Variants in SUPT3H observed in about 807,000 individuals in gnomAD.
SUPT3H encodes transcription initiation protein SPT3 homolog.
In SUPT3H, 44 loss-of-function variants were observed where a neutral mutation model predicts 44.3. The observed-to-expected ratio is 0.99, with a 90% CI of 0.78 to 1.28. SUPT3H has a LOEUF of 1.28. SUPT3H is among the 50% of genes most tolerant of loss of function. The pLI, the probability that SUPT3H is intolerant of heterozygous loss-of-function variation, is 0.00. For synonymous variants in SUPT3H, 124 were observed against 125.6 expected (o/e 0.99, Z 0.09); for missense variants, 380 against 387.1 (o/e 0.98, Z 0.15).
chr6:45,002,305 G>C (rs140091401), intron 6 of SUPT3H, among the ~76,000 whole-genome samples: 1 of 152,058 alleles, frequency 6.6e-6, no homozygotes, highest in African/African-American at 2.4e-5. Context: ...GCTACAAAAT[G>C]TTCCATTTCT....
At chr6:45,121,469 T>C (rs1801646014) in intron 2 of SUPT3H, among the ~76,000 whole-genome samples, 1 of 151,846 alleles carries the variant, frequency 6.6e-6, no homozygotes, top group Middle Eastern at 3.2e-3. Context: ...GTTGCAGGAG[T>C]TTCCCTTTCC....
At position 45,293,550 on chromosome 6, in the gene SUPT3H, A is replaced by C. The variant is rs549025683; in HGVS notation, c.101+71651T>G. Among the ~76,000 whole-genome samples, 6 of 152,258 alleles carry C rather than the reference A, an allele frequency of 3.9e-5. No individual in the cohort carries two copies. In the East Asian group the frequency reaches 1.2e-3, roughly 29 times the overall value. The stretch of plus-strand genomic sequence containing the variant: ...AAATACAAAAGATAAATGAAACAAA[A>C]AGCTGGTTCTTTCAAATGATAAACC... On this transcript the variant is annotated intron_variant, in intron 2 of 10. Transcript: ENST00000371459.
At chr6:45,260,239 C>A (rs537997590) in intron 2 of SUPT3H, among the ~76,000 whole-genome samples, 2 of 152,134 alleles carry the variant, frequency 1.3e-5, no homozygotes, top group South Asian at 2.1e-4. Context: ...ACGCAGGGAA[C>A]TGCAGGAAAG....
chr6:45,099,927 T>G (rs1229641446), intron 3 of SUPT3H, among the ~76,000 whole-genome samples: 2 of 152,098 alleles, frequency 1.3e-5, no homozygotes, highest in African/African-American at 4.8e-5. Context: ...GGCTAAAGGC[T>G]TAGCCAGATA....
At chr6:44,987,161 C>T (rs968564464) in intron 6 of SUPT3H, among the ~76,000 whole-genome samples, 1 of 151,956 alleles carries the variant, frequency 6.6e-6, no homozygotes, top group Non-Finnish European at 1.5e-5. Flanking sequence ...CCTGTTCTTA[C>T]AAAACACTAA....
intron 10 of SUPT3H, among the ~76,000 whole-genome samples, chr6:44,831,359 A>G (rs1283599209): frequency 6.6e-6 from 1 of 152,178 alleles, no homozygotes; most frequent in Non-Finnish European, 1.5e-5. Flanking sequence ...AACAAGGACT[A>G]GAAAATTCCA....
At chr6:45,169,857 G>GT (rs1463968684) in intron 2 of SUPT3H, among the ~76,000 whole-genome samples, 1 of 152,166 alleles carries the variant, frequency 6.6e-6, no homozygotes, top group Non-Finnish European at 1.5e-5. Context: ...CAGTTAAGAG[G>GT]ATAAACTGCT....
Position 44,972,553 on chromosome 6 carries a change from T to C in SUPT3H, c.505-10725A>G, listed in dbSNP as rs373790060. On this transcript the variant is annotated intron_variant, in intron 6 of 10. Coordinates refer to ENST00000371459, the MANE Select transcript of SUPT3H (RefSeq NM_003599.4). Reference sequence around the variant, plus strand: ...CTGCGATCTGGAGAATGGTGGCCCTTTTACAGCTCTACTAGGCAGTGCCCC... The same window carrying C: ...CTGCGATCTGGAGAATGGTGGCCCTCTTACAGCTCTACTAGGCAGTGCCCC... 2.0e-5 allele frequency among the ~76,000 whole-genome samples: 3 copies of C among 152,232 alleles called. No homozygotes were observed. The East Asian group carries it at 5.8e-4, about 29-fold the overall frequency.
intron 2 of SUPT3H, among the ~76,000 whole-genome samples, chr6:45,146,081 A>T (rs992288320): frequency 1.3e-5 from 2 of 152,154 alleles, no homozygotes; most frequent in African/African-American, 4.8e-5. Flanking sequence ...AACATAAACT[A>T]GTACAACCAC....
chr6:45,321,121 A>G (rs1785431936), intron 2 of SUPT3H, among the ~76,000 whole-genome samples: 1 of 152,130 alleles, frequency 6.6e-6, no homozygotes, highest in Admixed American at 6.5e-5. Context: ...TACCATCTTC[A>G]ATTTATATTT....
intron 2 of SUPT3H, among the ~76,000 whole-genome samples, chr6:45,169,985 C>T (rs1395678828): frequency 6.6e-6 from 1 of 152,154 alleles, no homozygotes; most frequent in Non-Finnish European, 1.5e-5. Flanking sequence ...CAGGGCACAG[C>T]CCCAGGGGGT....
intron 2 of SUPT3H, among the ~76,000 whole-genome samples, chr6:45,283,556 C>A (rs1002659916): frequency 2.0e-5 from 3 of 152,014 alleles, no homozygotes; most frequent in Admixed American, 6.5e-5. Context: ...TACATATGCA[C>A]CCAATACAGG....
intron 2 of SUPT3H, among the ~76,000 whole-genome samples, chr6:45,331,149 G>C (rs1029054042): frequency 6.6e-6 from 1 of 151,884 alleles, no homozygotes; most frequent in Non-Finnish European, 1.5e-5. Context: ...GCACATGCTA[G>C]AGAAAGAGTA....
intron 6 of SUPT3H, among the ~76,000 whole-genome samples, chr6:44,983,739 A>G (rs1421243638): frequency 2.0e-5 from 3 of 152,208 alleles, no homozygotes; most frequent in African/African-American, 7.2e-5. Flanking sequence ...ATTTAAAATA[A>G]CATTCAAAGA....
intron 11 of SUPT3H, among the ~76,000 whole-genome samples, chr6:44,814,980 A>G (rs7754698): frequency 0.41 from 62,863 of 151,882 alleles, 13,353 homozygotes; most frequent in East Asian, 0.69. Context: ...CCCGGCCTCA[A>G]ATTTTTTTCA....
intron 2 of SUPT3H, among the ~76,000 whole-genome samples, chr6:45,234,351 T>C (rs2153642243): frequency 6.6e-6 from 1 of 151,958 alleles, no homozygotes; most frequent in African/African-American, 2.4e-5. Flanking sequence ...GCCAACATGG[T>C]GAAACCCTGT....
At chr6:44,917,004 A>AAACAAACAAACAAAC (rs1345047478) in intron 10 of SUPT3H, among the ~76,000 whole-genome samples, 6 of 144,310 alleles carry the variant, frequency 4.2e-5, no homozygotes, top group African/African-American at 1.7e-4. Context: ...AACAAACAAA[A>AAACAAACAAACAAAC]CTACTTGGGC....
intron 2 of SUPT3H, among the ~76,000 whole-genome samples, chr6:45,181,951 A>T (rs1281524885): frequency 2.6e-5 from 4 of 152,048 alleles, no homozygotes; most frequent in African/African-American, 7.2e-5. Flanking sequence ...TGCTAAGTAA[A>T]TTTATGCTTT....
rs1762298469 is a variant in SUPT3H at position 44,886,395 on chromosome 6, C to A, written c.912+46258G>T. Among the ~76,000 whole-genome samples the A allele has an allele frequency of 2.0e-5, 3 of 150,166 alleles. No individual in the cohort carries two copies. The South Asian group carries it at 6.2e-4, about 31-fold the overall frequency. ...AGGTCGGGTTACCCACAAAGGGAAG[C>A]CCATCAGACTGACAGCTGATCTCTC... On this transcript the variant is annotated intron_variant, in intron 10 of 10. Coordinates refer to ENST00000371459, the MANE Select transcript of SUPT3H (RefSeq NM_003599.4).
Sources: allele counts gnomAD v4.1 joint callset (sites outside exome capture counted in the v4.1 genomes callset), GRCh38; gene constraint gnomAD v4.1.1; transcripts MANE v1.5; gene names NCBI Gene and HGNC (gene_info 2026-07-23, HGNC 2026-07-21).